The following LDHA variants were observed in gnomAD, a reference collection of about 807,000 sequenced individuals.
The protein encoded by LDHA is L-lactate dehydrogenase A chain.
LDHA carries 10 observed loss-of-function variants against 36.3 expected under a neutral mutation model. The observed-to-expected ratio is 0.28, with a 90% confidence interval of 0.17 to 0.47. The LOEUF (loss-of-function observed/expected upper bound fraction) is 0.47. LDHA is among the 20% of genes least tolerant of loss of function. The probability of loss-of-function intolerance (pLI) is 0.99; values close to 1 mark genes in which losing one functional copy is unlikely to be tolerated. For synonymous variants in LDHA, 110 were observed against 136.7 expected (o/e 0.80, Z 1.36); for missense variants, 267 against 405.8 (o/e 0.66, Z 2.94).
intron 2 of LDHA, 157 bp from the exon 3 acceptor site, chr11:18,399,274 G>A: frequency 1.6e-6 from 1 of 640,882 alleles, no homozygotes. Context: ...CTGTAAGTCA[G>A]CTTTTGAAAT....
At chr11:18,396,580 C>T (rs1866313440) in intron 1 of LDHA, 6 of 1,383,180 alleles carry the variant, frequency 4.3e-6, no homozygotes, top group Non-Finnish European at 4.7e-6. Flanking sequence ...ATACTTACAC[C>T]CAAACGTCGA....
intron 7 of LDHA, chr11:18,405,877 C>A: frequency 3.0e-6 from 1 of 336,712 alleles, no homozygotes; most frequent in Admixed American, 4.5e-5. Context: ...AAATTATATT[C>A]AAGTTAGCAT....
chr11:18,408,134 A>T lies in LDHA; in HGVS notation c.*853A>T. The T allele has an allele frequency of 2.2e-6, 1 of 454,144 alleles. No homozygotes were observed. The highest frequency in any genetic ancestry group is 4.4e-6 in the Non-Finnish European group (1 of 226,794). 28.1% of individuals were successfully genotyped at this position (454,144 alleles called of 1,614,324 possible). On this transcript the variant is annotated 3_prime_UTR_variant, in exon 8 of 8. Transcript: ENST00000422447. ...ATTTGCCAACTGAATATAGGCAATG[A>T]TAGTGTGTCACTATAGGGAACACAG...
chr11:18,400,552 T>C, intron 3 of LDHA: 4 of 401,706 alleles, frequency 1.0e-5, no homozygotes, highest in Admixed American at 3.6e-5. Context: ...AGTGTGAACG[T>C]TGAGCTTGGG....
rs1866778155 is a variant in LDHA, at chr11:18,408,292, G to C, written c.*1011G>C. The C allele has an allele frequency of 2.3e-6, 1 of 431,956 alleles. No individual in the cohort carries two copies. The highest frequency in any genetic ancestry group is 4.6e-6 in the Non-Finnish European group (1 of 218,362). 26.8% of individuals were successfully genotyped at this position (431,956 alleles called of 1,614,324 possible). A position where few individuals can be genotyped will look rare whatever the true frequency, so the allele number is the denominator to read the frequency against. On this transcript the variant is annotated 3_prime_UTR_variant, in exon 8 of 8. Transcript: ENST00000422447. ...GCTGATCACTGGAGGCCAGGAATTG[G>C]GGACCAGCCTGGCCAACACAACAAA...
At chr11:18,398,955 C>T (rs963665403) in intron 2 of LDHA, 31 of 196,500 alleles carry the variant, frequency 1.6e-4, no homozygotes, top group African/African-American at 6.6e-4. Flanking sequence ...GTGATGTGCC[C>T]GCCTCGGCCT....
Position 18,402,839 on chromosome 11 carries a change from G to A in LDHA, c.419-1G>A. On this transcript the variant is annotated splice_acceptor_variant, in intron 4 of 7. Transcript: ENST00000422447. LOFTEE classifies it high-confidence loss of function. ...GATTTTTATTTTCTCCTTTTTCATA[G>A]TGGATATCTTGACCTACGTGGCTTG... is the stretch of plus-strand genomic sequence containing the variant. The A allele has an allele frequency of 6.2e-7, 1 of 1,609,458 alleles. No homozygotes were observed. Among genetic ancestry groups the A allele is most frequent in the Non-Finnish European group, 8.5e-7 (1 of 1,175,914 alleles).
chr11:18,405,543 C>G lies in LDHA; in HGVS notation c.805C>G (p.Arg269Gly). The change falls in exon 7 of 8, where the codon CGG becomes GGG. Residue 269 changes from arginine to glycine, a missense_variant. Physicochemically the swap from Arg to Gly is moderately radical, Grantham distance 125 (BLOSUM62 -2). Coordinates refer to ENST00000422447, the MANE Select transcript of LDHA (RefSeq NM_005566.4). The stretch of plus-strand genomic sequence containing the variant: ...AGAGAGTATAATGAAGAATCTTAGG[C>G]GGGTGCACCCAGTTTCCACCATGAT... ...LAESIMKNLR[R>G]VHPVSTMIKG... is the part of the protein sequence containing the mutation. 1.2e-6 allele frequency: 2 copies of G among 1,613,774 alleles called. No individual in the cohort carries two copies. The highest frequency in any genetic ancestry group is 1.7e-6 in the Non-Finnish European group (2 of 1,179,762).
In LDHA at chr11:18,402,905, G is replaced by A. The variant is rs762771019; in HGVS notation, c.484G>A (p.Gly162Ser). Reference sequence around the variant, plus strand: ...TCCCAAAAACCGTGTTATTGGAAGCGGTTGCAATCTGGATTCAGCCCGATT... The same window carrying A: ...TCCCAAAAACCGTGTTATTGGAAGCAGTTGCAATCTGGATTCAGCCCGATT... ...GFPKNRVIGS[G>S]CNLDSARFRY... The change falls in exon 5 of 8, where the codon GGT (glycine) becomes AGT (serine). Residue 162 changes from glycine to serine, a missense_variant. Gly to Ser is a moderately conservative substitution (Grantham distance 56). Transcript: ENST00000422447. 27 of 1,611,588 alleles carry A rather than the reference G, an allele frequency of 1.7e-5. No individual in the cohort carries two copies. Among genetic ancestry groups the A allele is most frequent in the East Asian group, 2.2e-5 (1 of 44,880 alleles).
At position 18,407,305 on chromosome 11, in the gene LDHA, C is replaced by G; in HGVS notation, c.*24C>G. ...AAAGTCTTCTGATGTCATATCATTT[C>G]ACTGTCTAGGCTACAACAGGATTCT... On this transcript the variant is annotated 3_prime_UTR_variant, in exon 8 of 8. Transcript: ENST00000422447. The G allele has an allele frequency of 1.9e-6, 3 of 1,612,492 alleles. No homozygotes were observed. Among genetic ancestry groups the G allele is most frequent in the Non-Finnish European group, 2.5e-6 (3 of 1,179,644 alleles).
chr11:18,396,684 C>A, intron 1 of LDHA, 135 bp from the exon 2 acceptor site: 1 of 1,364,452 alleles, frequency 7.3e-7, no homozygotes, highest in South Asian at 1.6e-5. Flanking sequence ...TAGGTTTTTT[C>A]CCCTCCCTTT....
chr11:18,406,217 G>T (rs1866678026), intron 7 of LDHA, among the ~76,000 whole-genome samples: 1 of 151,982 alleles, frequency 6.6e-6, no homozygotes, highest in Non-Finnish European at 1.5e-5. Context: ...ACCCGCCTCG[G>T]CCTCCCCGAA....
At chr11:18,404,632 C>A (rs1177949299) in intron 6 of LDHA, among the ~76,000 whole-genome samples, 5 of 151,344 alleles carry the variant, frequency 3.3e-5, no homozygotes, top group Admixed American at 3.3e-4. Flanking sequence ...CACGGTGAAA[C>A]CCCGTCTCTA....
chr11:18,408,380 C>T lies in LDHA; in HGVS notation c.*1099C>T. The T allele has an allele frequency of 2.8e-6, 1 of 356,104 alleles. No homozygotes were observed. 22.1% of individuals were successfully genotyped at this position (356,104 alleles called of 1,614,324 possible). ...AACAAGTAACCTTGGTGGATGTCTACTCAAGTTTTCTGCACATTTTTCTGA... is the reference window on the plus strand; with the variant it reads ...AACAAGTAACCTTGGTGGATGTCTATTCAAGTTTTCTGCACATTTTTCTGA... On this transcript the variant is annotated 3_prime_UTR_variant, in exon 8 of 8. Transcript: ENST00000422447.
intron 4 of LDHA, 79 bp from the exon 5 acceptor site, chr11:18,402,761 G>A: frequency 9.0e-7 from 1 of 1,106,876 alleles, no homozygotes; most frequent in Non-Finnish European, 1.4e-6. Flanking sequence ...CTGGTTAAGT[G>A]TTTTCTTCAT....
intron 4 of LDHA, chr11:18,402,535 C>A: frequency 2.9e-6 from 1 of 346,924 alleles, no homozygotes; most frequent in Non-Finnish European, 5.6e-6. Flanking sequence ...TGGCCTCAGG[C>A]AGTCCTCCCA....
intron 4 of LDHA, chr11:18,402,491 T>G: frequency 6.9e-6 from 2 of 288,342 alleles, no homozygotes; most frequent in Non-Finnish European, 6.8e-6. Flanking sequence ...AGAGATGGGG[T>G]TTTGCTATGT....
intron 5 of LDHA, among the ~76,000 whole-genome samples, 193 bp downstream of exon 5, chr11:18,403,206 G>A (rs960740862): frequency 3.9e-5 from 6 of 152,094 alleles, no homozygotes; most frequent in African/African-American, 1.4e-4. Context: ...ATTTTATGGC[G>A]AGGGGGACGG....
At chr11:18,395,532 C>G (rs944402954) in intron 1 of LDHA, among the ~76,000 whole-genome samples, 1 of 152,168 alleles carries the variant, frequency 6.6e-6, no homozygotes, top group African/African-American at 2.4e-5. Context: ...CAGGAACTCC[C>G]TTCCCCCTGC....
Sources: gnomAD v4.1 joint callset for allele counts (sites outside exome capture counted in the v4.1 genomes callset) on GRCh38, gnomAD v4.1.1 for gene constraint, MANE v1.5 for transcripts, NCBI Gene and HGNC (gene_info 2026-07-23, HGNC 2026-07-21) for gene names.